PIK3CB: variants seen among roughly 807,000 people sequenced by gnomAD.
PIK3CB encodes phosphatidylinositol 4,5-bisphosphate 3-kinase catalytic subunit beta isoform.
Under a neutral mutation model 136.8 loss-of-function variants are expected in PIK3CB, and 39 were observed. The observed-to-expected ratio is 0.29, with a 90% CI of 0.22 to 0.37. The LOEUF (loss-of-function observed/expected upper bound fraction) is 0.37. Ranked by LOEUF, PIK3CB falls within the 10% of genes least tolerant of loss-of-function variation. The probability of loss-of-function intolerance (pLI) is 1.00; values close to 1 mark genes in which losing one functional copy is unlikely to be tolerated. For missense variants in PIK3CB, 868 were observed against 1,275.4 expected, an observed-to-expected ratio of 0.68 and a Z score of 4.87; for synonymous variants, 428 against 436.6, an observed-to-expected ratio of 0.98 and a Z score of 0.25.
intron 14 of PIK3CB, among the ~76,000 whole-genome samples, chr3:138,694,034 G>GGGTGGATA: frequency 1.4e-5 from 2 of 141,066 alleles, no homozygotes; most frequent in Non-Finnish European, 3.1e-5. Flanking sequence ...TAATTCTGGA[G>GGGTGGATA]GGTGGATAGA....
intron 1 of PIK3CB, among the ~76,000 whole-genome samples, chr3:138,818,993 A>G (rs1371930000): frequency 6.6e-6 from 1 of 152,204 alleles, no homozygotes; most frequent in African/African-American, 2.4e-5. Context: ...CCTAAACTTA[A>G]AATTACTGAA....
At chr3:138,782,765 T>C (rs1437346841) in intron 2 of PIK3CB, among the ~76,000 whole-genome samples, 3 of 152,168 alleles carry the variant, frequency 2.0e-5, no homozygotes, top group Non-Finnish European at 4.4e-5. Context: ...AGTCACAAGA[T>C]GGAAGAAACC....
intron 2 of PIK3CB, among the ~76,000 whole-genome samples, chr3:138,771,647 AT>A (rs1406853204): frequency 6.6e-6 from 1 of 152,232 alleles, no homozygotes; most frequent in African/African-American, 2.4e-5. Context: ...ATCATTTATA[AT>A]AAAATGACAT....
At chr3:138,800,709 C>G (rs1158622857) in intron 1 of PIK3CB, among the ~76,000 whole-genome samples, 1 of 152,192 alleles carries the variant, frequency 6.6e-6, no homozygotes, top group East Asian at 1.9e-4. Context: ...ACTGCAACCT[C>G]TATCTTCCAG....
chr3:138,707,414 A>T (rs2044402388), intron 10 of PIK3CB, 125 bp from the exon 11 acceptor site: 4 of 1,389,734 alleles, frequency 2.9e-6, no homozygotes, highest in South Asian at 1.7e-5. Flanking sequence ...AGTGTGACAG[A>T]CAATTCTATC....
At chr3:138,793,887 G>A (rs1468222774) in intron 2 of PIK3CB, among the ~76,000 whole-genome samples, 1 of 152,200 alleles carries the variant, frequency 6.6e-6, no homozygotes, top group Non-Finnish European at 1.5e-5. Context: ...AGTAGGCAGA[G>A]CCAGGCCACG....
intron 5 of PIK3CB, among the ~76,000 whole-genome samples, chr3:138,740,836 G>T (rs747117600): frequency 9.9e-5 from 15 of 151,956 alleles, no homozygotes; most frequent in Non-Finnish European, 2.1e-4. Context: ...TACAGATGGG[G>T]TTTCACCATG....
chr3:138,812,478 G>A (rs530074400), intron 1 of PIK3CB, among the ~76,000 whole-genome samples: 2 of 150,944 alleles, frequency 1.3e-5, no homozygotes, highest in African/African-American at 2.4e-5. Flanking sequence ...CTCGTGATCC[G>A]CCCACCTCAG....
chr3:138,746,788 T>C (rs1308943235), intron 4 of PIK3CB, among the ~76,000 whole-genome samples: 1 of 151,628 alleles, frequency 6.6e-6, no homozygotes, highest in African/African-American at 2.4e-5. Flanking sequence ...TCACATAACT[T>C]TGCCTTTTCT....
chr3:138,734,951 A>T (rs1418287989), intron 6 of PIK3CB, 147 bp from the exon 7 acceptor site: 99 of 296,714 alleles, frequency 3.3e-4, no homozygotes, highest in East Asian at 1.2e-3. Flanking sequence ...AAAAAAAAAA[A>T]ATTTTTTTTT....
intron 22 of PIK3CB, 120 bp from the exon 23 acceptor site, chr3:138,656,394 C>T (rs1269433782): frequency 1.5e-5 from 16 of 1,054,368 alleles, no homozygotes; most frequent in Admixed American, 2.9e-5. Context: ...TCCTACTGAA[C>T]TAAAGGTTCA....
chr3:138,698,831 G>A, intron 13 of PIK3CB, 76 bp downstream of exon 13: 1 of 828,972 alleles, frequency 1.2e-6, no homozygotes, highest in Non-Finnish European at 1.8e-6. Context: ...ATATACCTAT[G>A]AGAAAAGGAT....
At chr3:138,826,635 G>GAA (rs1008249892) in intron 1 of PIK3CB, among the ~76,000 whole-genome samples, 1 of 125,010 alleles carries the variant, frequency 8.0e-6, no homozygotes. Context: ...AGTTTAATGA[G>GAA]AAAAAAAAAA....
At chr3:138,773,822 C>G (rs1416889665) in intron 2 of PIK3CB, among the ~76,000 whole-genome samples, 1 of 152,170 alleles carries the variant, frequency 6.6e-6, no homozygotes, top group Non-Finnish European at 1.5e-5. Flanking sequence ...CCACAGTCTT[C>G]TCTCCTCACC....
At chr3:138,737,317 T>C (rs2045129823) in intron 6 of PIK3CB, among the ~76,000 whole-genome samples, 1 of 136,178 alleles carries the variant, frequency 7.3e-6, no homozygotes, top group Admixed American at 8.7e-5. Flanking sequence ...TGCTTGAACC[T>C]GGGAGATGAA....
intron 4 of PIK3CB, among the ~76,000 whole-genome samples, chr3:138,743,478 T>A (rs1381861417): frequency 1.3e-5 from 2 of 152,252 alleles, no homozygotes; most frequent in Non-Finnish European, 2.9e-5. Flanking sequence ...AATTGTTCTT[T>A]ATTGTTTGGT....
chr3:138,662,218 G>A (rs1170076692), intron 21 of PIK3CB, among the ~76,000 whole-genome samples: 9 of 147,124 alleles, frequency 6.1e-5, no homozygotes, highest in African/African-American at 1.3e-4. Context: ...CCATTAACTC[G>A]TCCTTTAGCA....
At chr3:138,825,177 T>C (rs980848984) in intron 1 of PIK3CB, 4 of 292,188 alleles carry the variant, frequency 1.4e-5, no homozygotes, top group South Asian at 6.6e-5. Flanking sequence ...TATCTCCCTA[T>C]GAAAATATGA....
chr3:138,701,856 G>C (rs1206345299), intron 12 of PIK3CB, among the ~76,000 whole-genome samples: 1 of 150,096 alleles, frequency 6.7e-6, no homozygotes, highest in Non-Finnish European at 1.5e-5. Flanking sequence ...TGTTAGAAAG[G>C]TATTTTTTAA....
Sources: gnomAD v4.1 joint callset for allele counts (sites outside exome capture counted in the v4.1 genomes callset) on GRCh38, gnomAD v4.1.1 for gene constraint, MANE v1.5 for transcripts, NCBI Gene and HGNC (gene_info 2026-07-23, HGNC 2026-07-21) for gene names.